Variants in CDKN2B-AS1 observed in about 807,000 individuals in gnomAD.
CDKN2B-AS1 encodes CDKN2B antisense RNA 1 (non-protein coding).
Position 22,005,605 on chromosome 9 carries a change from C to G in CDKN2B-AS1, n.29+10444C>G. On this transcript the variant is annotated intron_variant and non_coding_transcript_variant, in intron 1 of 4. Transcript: ENST00000650946. The surrounding 1 kb of genome is among the most constrained non-coding windows in gnomAD (Gnocchi z 4.9). ...ACCCAAGTGCTAATCACTGCCTTCTCCCACTCAGCGCTGGAGTGGGAGATT... is the reference window on the plus strand; with the variant it reads ...ACCCAAGTGCTAATCACTGCCTTCTGCCACTCAGCGCTGGAGTGGGAGATT... 2.3e-6 allele frequency: 1 copy of G among 437,382 alleles called. No homozygotes were observed. Among genetic ancestry groups the G allele is most frequent in the Non-Finnish European group, 4.3e-6 (1 of 235,152 alleles). 27.1% of individuals were successfully genotyped at this position (437,382 alleles called of 1,614,324 possible). A position where few individuals can be genotyped will look rare whatever the true frequency, so the allele number is the denominator to read the frequency against.
chr9:22,110,481 T>G (rs1452148098), intron 4 of CDKN2B-AS1, among the ~76,000 whole-genome samples: 1 of 152,180 alleles, frequency 6.6e-6, no homozygotes. Flanking sequence ...ATTTTCTTTT[T>G]GCAAGTGTTA....
exon 5 of CDKN2B-AS1, among the ~76,000 whole-genome samples, chr9:22,127,610 G>A (rs1281848753): frequency 6.6e-6 from 1 of 152,190 alleles, no homozygotes; most frequent in Non-Finnish European, 1.5e-5. Context: ...GGCAATGAGT[G>A]TTGCACCTGT....
chr9:22,008,970 G>C, intron 1 of CDKN2B-AS1: 2 of 1,613,226 alleles, frequency 1.2e-6, no homozygotes, highest in Middle Eastern at 1.7e-4. Flanking sequence ...GCCCCCAGAC[G>C]CGCAGCGGCC....
At chr9:22,020,271 A>T (rs1477953620) in intron 1 of CDKN2B-AS1, among the ~76,000 whole-genome samples, 2 of 152,200 alleles carry the variant, frequency 1.3e-5, no homozygotes, top group Non-Finnish European at 2.9e-5. Flanking sequence ...TATCCAGTCT[A>T]TCACTGATGG....
At chr9:22,034,735 C>T (rs930897062) in intron 1 of CDKN2B-AS1, among the ~76,000 whole-genome samples, 14 of 152,052 alleles carry the variant, frequency 9.2e-5, no homozygotes, top group African/African-American at 2.2e-4. Flanking sequence ...TGAGGGCCAT[C>T]GAGTTTCTGT....
intron 1 of CDKN2B-AS1, among the ~76,000 whole-genome samples, chr9:22,010,533 G>A (rs1172287098): frequency 6.6e-6 from 1 of 152,010 alleles, no homozygotes; most frequent in African/African-American, 2.4e-5. Flanking sequence ...GGATACCTTA[G>A]CTCTGACTCC....
At chr9:22,081,691 C>T (rs1279791339) in intron 4 of CDKN2B-AS1, among the ~76,000 whole-genome samples, 5 of 152,200 alleles carry the variant, frequency 3.3e-5, no homozygotes, top group Non-Finnish European at 5.9e-5. Flanking sequence ...GCCTAGGAAG[C>T]TTGTCTATTA....
At chr9:22,114,524 A>G (rs1261601108) in intron 4 of CDKN2B-AS1, among the ~76,000 whole-genome samples, 1 of 152,234 alleles carries the variant, frequency 6.6e-6, no homozygotes, top group African/African-American at 2.4e-5. Flanking sequence ...GAAGGCAAAG[A>G]AGAAAAACCT....
At chr9:22,113,395 A>T (rs1344676428) in intron 4 of CDKN2B-AS1, among the ~76,000 whole-genome samples, 1 of 152,224 alleles carries the variant, frequency 6.6e-6, no homozygotes, top group African/African-American at 2.4e-5. Flanking sequence ...TGCCACCAGC[A>T]GAAGAGGCTT....
chr9:22,117,413 A>C (rs1393927391), intron 4 of CDKN2B-AS1, among the ~76,000 whole-genome samples: 1 of 152,028 alleles, frequency 6.6e-6, no homozygotes, highest in African/African-American at 2.4e-5. Flanking sequence ...GTTGGGGGGG[A>C]ATCTTAACCT....
chr9:22,004,174 A>G (rs1338390698), intron 1 of CDKN2B-AS1: 2 of 232,358 alleles, frequency 8.6e-6, no homozygotes, highest in African/African-American at 4.4e-5. Flanking sequence ...CCTTTCCCCA[A>G]TAACATATGC....
intron 4 of CDKN2B-AS1, among the ~76,000 whole-genome samples, chr9:22,081,144 A>G (rs1358920781): frequency 1.3e-5 from 2 of 152,166 alleles, no homozygotes; most frequent in African/African-American, 2.4e-5. Context: ...AGCTTATATC[A>G]TAAGTCTATT....
intron 1 of CDKN2B-AS1, chr9:22,012,081 C>G: frequency 1.5e-6 from 1 of 667,840 alleles, no homozygotes; most frequent in Non-Finnish European, 2.7e-6. Flanking sequence ...CTGTATATGA[C>G]CTTGATATAG....
intron 4 of CDKN2B-AS1, among the ~76,000 whole-genome samples, chr9:22,098,604 A>G (rs1457006927): frequency 6.6e-6 from 1 of 152,188 alleles, no homozygotes; most frequent in Non-Finnish European, 1.5e-5. Flanking sequence ...CTAACAAAAG[A>G]TGTCCTGTTT....
chr9:22,086,431 G>A (rs546193433), intron 4 of CDKN2B-AS1, among the ~76,000 whole-genome samples: 12 of 152,202 alleles, frequency 7.9e-5, no homozygotes, highest in African/African-American at 7.2e-5. Flanking sequence ...AAATTTACCC[G>A]TCAGGGCCAG....
In CDKN2B-AS1 at chr9:21,995,364, C is replaced by T. The variant is rs1355274058; in HGVS notation, n.29+203C>T. The T allele has an allele frequency of 6.5e-6, 1 of 152,704 alleles. No homozygotes were observed. Among genetic ancestry groups the T allele is most frequent in the Non-Finnish European group, 1.5e-5 (1 of 68,314 alleles). The allele number at this position is 152,704 out of a possible 1,614,324, so 9.5% of individuals were successfully genotyped here. On this transcript the variant is annotated intron_variant and non_coding_transcript_variant, in intron 1 of 4. Transcript: ENST00000650946. This position sits in a 1 kb window ranked among gnomAD's most constrained non-coding sequence, Gnocchi z 5.7. ...CTTTCCTCTTCCCCCGCGCTCCCCTCCCCTGCTGGCCGCTCCCCTCCTGTC... is the reference window on the plus strand; with the variant it reads ...CTTTCCTCTTCCCCCGCGCTCCCCTTCCCTGCTGGCCGCTCCCCTCCTGTC...
intron 4 of CDKN2B-AS1, among the ~76,000 whole-genome samples, chr9:22,086,470 C>A (rs993741631): frequency 1.3e-5 from 2 of 152,092 alleles, no homozygotes; most frequent in Non-Finnish European, 2.9e-5. Flanking sequence ...CCCAAGCACA[C>A]GTGAGATGAA....
intron 4 of CDKN2B-AS1, among the ~76,000 whole-genome samples, chr9:22,103,525 G>T (rs545877521): frequency 8.5e-4 from 129 of 152,252 alleles, no homozygotes; most frequent in African/African-American, 2.7e-3. Context: ...GTTCGAGAAT[G>T]CTGCCCAATC....
intron 4 of CDKN2B-AS1, among the ~76,000 whole-genome samples, chr9:22,095,837 TGTAATG>T (rs1252631489): frequency 1.3e-5 from 2 of 150,728 alleles, no homozygotes; most frequent in East Asian, 3.9e-4. Context: ...CTTACCATTA[TGTAATG>T]GCCTTCTTTG....
Sources: gnomAD v4.1 joint callset for allele counts (sites outside exome capture counted in the v4.1 genomes callset) on GRCh38, gnomAD v4.1.1 for gene constraint, Gnocchi (gnomAD v3.1) non-coding constraint, MANE v1.5 for transcripts, NCBI Gene and HGNC (gene_info 2026-07-23, HGNC 2026-07-21) for gene names.